MMP27: variants seen among roughly 807,000 people sequenced by gnomAD.
MMP27 encodes the protein matrix metallopeptidase 27, also known as matrix metalloproteinase-27.
A neutral mutation model predicts 48.1 loss-of-function variants in MMP27; 51 were observed. That is an observed-to-expected ratio of 1.06 (90% confidence interval 0.85 to 1.34). The LOEUF (loss-of-function observed/expected upper bound fraction) is 1.34, where lower values mean the gene tolerates loss of function less well. Among genes scored for constraint, MMP27 ranks in the 40% most tolerant of loss-of-function variants. The pLI, the probability that MMP27 is intolerant of heterozygous loss-of-function variation, is 0.00. For missense variants in MMP27, 698 were observed against 619.3 expected (o/e 1.13, Z -1.35); for synonymous variants, 229 against 208.9 (o/e 1.10, Z -0.83).
At chr11:102,699,120 C>T (rs1353368349) in intron 4 of MMP27, among the ~76,000 whole-genome samples, 4 of 152,076 alleles carry the variant, frequency 2.6e-5, no homozygotes, top group African/African-American at 4.8e-5. Context: ...GTTAGAATTG[C>T]CTTTGTCTTT....
intron 7 of MMP27, 37 bp from the exon 8 acceptor site, chr11:102,694,102 G>A: frequency 6.9e-7 from 1 of 1,439,916 alleles, no homozygotes; most frequent in Non-Finnish European, 9.2e-7. Context: ...TTTCTAGAGG[G>A]AGAAATAGGT....
In MMP27 at chr11:102,704,613, G is replaced by A; in HGVS notation, c.265C>T (p.Pro89Ser). ...CCCACATCAGGCACCCCACACCTGG[G>A]TGTCTTCATGATCTCAAGGGTGTTT... ...DSNTLEIMKT[P>S]RCGVPDVGQY... is the part of the protein sequence containing the mutation. Residue 89 changes from proline to serine, a missense_variant, in exon 2 of 10, where the codon CCC becomes TCC. Physicochemically the swap from Pro to Ser is moderately conservative, Grantham distance 74. Coordinates refer to ENST00000260229, the MANE Select transcript of MMP27 (RefSeq NM_022122.3). 6.2e-7 allele frequency: 1 copy of A among 1,614,158 alleles called. No homozygotes were observed. Among genetic ancestry groups the A allele is most frequent in the South Asian group, 1.1e-5 (1 of 91,082 alleles).
intron 4 of MMP27, among the ~76,000 whole-genome samples, chr11:102,697,564 T>C (rs1381378453): frequency 6.6e-6 from 1 of 152,112 alleles, no homozygotes; most frequent in Non-Finnish European, 1.5e-5. Context: ...TGGAGTGGTG[T>C]GATTACAGCT....
At chr11:102,696,523 T>G (rs750027299) in intron 5 of MMP27, 32 bp from the exon 6 acceptor site, 3 of 1,609,694 alleles carry the variant, frequency 1.9e-6, no homozygotes, top group African/African-American at 1.3e-5. Context: ...CACAATGAAT[T>G]AAGAGGGCAT....
At position 102,696,471 on chromosome 11, in the gene MMP27, CAGGTTCCTT is replaced by C; in HGVS notation, c.793_801del (p.Lys265_Pro267del). On this transcript the variant is annotated inframe_deletion, in exon 6 of 10. Coordinates refer to ENST00000260229, the MANE Select transcript of MMP27 (RefSeq NM_022122.3). ...GGTATAGTGGGTTCCTTTGGCTTAG[CAGGTTCCTT>C]AGGCAGACCTCCTTTGATGAGAAAA... 1.2e-6 allele frequency: 2 copies of C among 1,613,680 alleles called. No homozygotes were observed. Among genetic ancestry groups the C allele is most frequent in the Non-Finnish European group, 1.7e-6 (2 of 1,179,812 alleles).
Position 102,696,357 on chromosome 11 carries a change from A to G in MMP27, c.902+14T>C, listed in dbSNP as rs753499206. 1 of 1,613,148 alleles carries G rather than the reference A, an allele frequency of 6.2e-7. No individual in the cohort carries two copies. The highest frequency in any genetic ancestry group is 8.5e-7 in the Non-Finnish European group (1 of 1,179,430). On this transcript the variant is annotated intron_variant, in intron 6 of 9. Coordinates refer to ENST00000260229, the MANE Select transcript of MMP27 (RefSeq NM_022122.3). Reference sequence around the variant, plus strand: ...CTTCATAGGAAGTTGAGGTGTTTAGAGAAATGAGTTTACCTGCCTTTAAAG... The same window carrying G: ...CTTCATAGGAAGTTGAGGTGTTTAGGGAAATGAGTTTACCTGCCTTTAAAG...
At chr11:102,694,274 C>T (rs542658492) in intron 7 of MMP27, among the ~76,000 whole-genome samples, 10 of 152,250 alleles carry the variant, frequency 6.6e-5, no homozygotes, top group African/African-American at 2.2e-4. Flanking sequence ...CAATAGTATG[C>T]GTACCTTTGT....
Position 102,695,045 on chromosome 11 carries a change from C to T in MMP27, c.955G>A (p.Ala319Thr). The T allele has an allele frequency of 6.2e-7, 1 of 1,613,956 alleles. No individual in the cohort carries two copies. Among genetic ancestry groups the T allele is most frequent in the Non-Finnish European group, 8.5e-7 (1 of 1,179,924 alleles). ...GCTGGCAGAGATGGCCAGAATGAAGCAATTAATTCAAACTCAACATCCGTG... is the reference window on the plus strand; with the variant it reads ...GCTGGCAGAGATGGCCAGAATGAAGTAATTAATTCAAACTCAACATCCGTG... ...DITDVEFELI[A>T]SFWPSLPADL... The change falls in exon 7 of 10, where the codon GCT (alanine) becomes ACT (threonine). Residue 319 changes from alanine to threonine, a missense_variant. By Grantham distance (58) the Ala-to-Thr change is moderately conservative (BLOSUM62 0). Transcript: ENST00000260229.
chr11:102,698,786 C>T (rs1466867647), intron 4 of MMP27, among the ~76,000 whole-genome samples: 1 of 152,136 alleles, frequency 6.6e-6, no homozygotes, highest in East Asian at 1.9e-4. Flanking sequence ...CTTAACTATC[C>T]TATTTATTCC....
chr11:102,698,552 C>A (rs572413186), intron 4 of MMP27, among the ~76,000 whole-genome samples: 7 of 152,186 alleles, frequency 4.6e-5, no homozygotes, highest in African/African-American at 1.7e-4. Flanking sequence ...TACTTCTATT[C>A]TTCAGAGGTT....
intron 4 of MMP27, among the ~76,000 whole-genome samples, chr11:102,700,828 T>G (rs1338594353): frequency 6.6e-6 from 1 of 152,254 alleles, no homozygotes; most frequent in African/African-American, 2.4e-5. Flanking sequence ...CTTAAAGTCC[T>G]CTGACATCCC....
Position 102,700,111 on chromosome 11 carries a change from C to T in MMP27, c.619+2642G>A, listed in dbSNP as rs145878824. Among the ~76,000 whole-genome samples, 28 of 152,288 alleles carry T rather than the reference C, an allele frequency of 1.8e-4. No individual in the cohort carries two copies. The East Asian group carries it at 5.2e-3, about 28-fold the overall frequency. On this transcript the variant is annotated intron_variant, in intron 4 of 9. Coordinates refer to ENST00000260229, the MANE Select transcript of MMP27 (RefSeq NM_022122.3). ...TAGACAGTGAAGCCCTGGAGGGCAG[C>T]TTCTGTGTCCTATATACAAGGGTAT...
rs749347331 is a variant in MMP27 at position 102,692,934 on chromosome 11, T to A, written c.1297+4A>T. ...ATCCCAATAAGTGAGACATCCATGC[T>A]TACCTTTGTACTGGAAAGCAGCATC... On this transcript the variant is annotated splice_donor_region_variant and intron_variant, in intron 9 of 9. Coordinates refer to ENST00000260229, the MANE Select transcript of MMP27 (RefSeq NM_022122.3). 3.1e-6 allele frequency: 5 copies of A among 1,611,028 alleles called. No individual in the cohort carries two copies. Among genetic ancestry groups the A allele is most frequent in the Middle Eastern group, 3.3e-4 (2 of 6,072 alleles).
intron 4 of MMP27, among the ~76,000 whole-genome samples, chr11:102,697,687 T>C (rs1452033692): frequency 6.6e-6 from 1 of 152,084 alleles, no homozygotes; most frequent in East Asian, 1.9e-4. Context: ...TTTATTTTTG[T>C]AGAGATGGGG....
chr11:102,699,201 T>C (rs189712242), intron 4 of MMP27, among the ~76,000 whole-genome samples: 1 of 152,116 alleles, frequency 6.6e-6, no homozygotes, highest in Non-Finnish European at 1.5e-5. Flanking sequence ...GCGTGGTGGT[T>C]CACTCTTGTA....
intron 1 of MMP27, 96 bp downstream of exon 1, chr11:102,705,517 T>C (rs1861030566): frequency 6.6e-6 from 5 of 759,794 alleles, no homozygotes; most frequent in Admixed American, 6.5e-5. Context: ...AGTTCAGGAC[T>C]CTTTTGCAGG....
chr11:102,693,990 G>A lies in MMP27; in HGVS notation c.1109C>T (p.Pro370Leu), dbSNP rs1216654325. 6.2e-7 allele frequency: 1 copy of A among 1,610,652 alleles called. No homozygotes were observed. Among genetic ancestry groups the A allele is most frequent in the Non-Finnish European group, 8.5e-7 (1 of 1,178,304 alleles). The change falls in exon 8 of 10, where the codon CCA becomes CTA. Residue 370 changes from proline (P) to leucine (L), a missense_variant. By Grantham distance (98) the Pro-to-Leu change is moderately conservative (BLOSUM62 -3). Coordinates refer to ENST00000260229, the MANE Select transcript of MMP27 (RefSeq NM_022122.3). ...TGCATCTATTTTCTTCACACGTCCT[G>A]GAAAACCTAATGTATGGATGGATTT... ...YPKSIHTLGF[P>L]GRVKKIDAAV... is the part of the protein sequence containing the mutation.
chr11:102,704,485 T>C (rs1591663865), intron 2 of MMP27, 52 bp downstream of exon 2: 1 of 1,357,806 alleles, frequency 7.4e-7, no homozygotes, highest in East Asian at 2.3e-5. Flanking sequence ...TCCTTGGAAA[T>C]TATCTTTATG....
At position 102,704,817 on chromosome 11, in the gene MMP27, A is replaced by G. The variant is rs757394708; in HGVS notation, c.103-42T>C. 5.3e-6 allele frequency: 7 copies of G among 1,331,976 alleles called. No homozygotes were observed. The Admixed American group carries it at 8.2e-5, about 16-fold the overall frequency. 82.5% of individuals were successfully genotyped at this position (1,331,976 alleles called of 1,614,324 possible). On this transcript the variant is annotated intron_variant, in intron 1 of 9. Transcript: ENST00000260229. ...GAAAAAAAAAAAAGAGGCACAGACT[A>G]CAGGAGAGCAAATCTCCATCTCAGG...
Sources: allele counts gnomAD v4.1 joint callset (sites outside exome capture counted in the v4.1 genomes callset), GRCh38; gene constraint gnomAD v4.1.1; transcripts MANE v1.5; gene names NCBI Gene and HGNC (gene_info 2026-07-23, HGNC 2026-07-21).